Variants in NSRP1 observed in about 807,000 individuals in gnomAD.
NSRP1 encodes coiled-coil domain containing 55.
In NSRP1, 24 loss-of-function variants were observed where a neutral mutation model predicts 54.7. The observed-to-expected ratio is 0.44, with a 90% CI of 0.32 to 0.62. The LOEUF is 0.62. NSRP1 is among the 20% of genes least tolerant of loss of function. The pLI is 0.06. For missense variants in NSRP1, 596 were observed against 651.2 expected, an observed-to-expected ratio of 0.92 and a Z score of 0.92; for synonymous variants, 210 against 213.8, an observed-to-expected ratio of 0.98 and a Z score of 0.15.
intron 2 of NSRP1, among the ~76,000 whole-genome samples, chr17:30,158,153 T>A (rs1336968934): frequency 1.3e-5 from 2 of 152,214 alleles, no homozygotes; most frequent in African/African-American, 4.8e-5. Context: ...GTCTTTTTAA[T>A]AATAGAGGTT....
At chr17:30,163,782 A>G (rs1185618014) in intron 2 of NSRP1, among the ~76,000 whole-genome samples, 1 of 150,834 alleles carries the variant, frequency 6.6e-6, no homozygotes, top group Non-Finnish European at 1.5e-5. Flanking sequence ...CCTGGGTGCA[A>G]GCAATTCTCT....
At chr17:30,177,243 C>T (rs1332755254) in intron 3 of NSRP1, among the ~76,000 whole-genome samples, 3 of 152,000 alleles carry the variant, frequency 2.0e-5, no homozygotes, top group East Asian at 1.9e-4. Context: ...TGGTGGCACA[C>T]GCCTGTAGTC....
chr17:30,130,554 TG>T (rs551612767), intron 2 of NSRP1, among the ~76,000 whole-genome samples: 35 of 152,352 alleles, frequency 2.3e-4, no homozygotes, highest in African/African-American at 7.5e-4. Context: ...TCTACTTGAT[TG>T]GGTGTAATAT....
chr17:30,176,308 T>C (rs1435340385), intron 3 of NSRP1, among the ~76,000 whole-genome samples: 1 of 152,070 alleles, frequency 6.6e-6, no homozygotes, highest in Non-Finnish European at 1.5e-5. Context: ...CAAAGGCATG[T>C]CATCAGTTTA....
rs1904364002 is a variant in NSRP1 at position 30,157,856 on chromosome 17, A to G, written c.115-14686A>G. Reference sequence around the variant, plus strand: ...AATGACATTATTTCATTATGGCCAAATAGTATTCTATTGTTTAACACACTT... The same window carrying G: ...AATGACATTATTTCATTATGGCCAAGTAGTATTCTATTGTTTAACACACTT... On this transcript the variant is annotated intron_variant, in intron 2 of 6. Transcript: ENST00000247026. Among the ~76,000 whole-genome samples, 5 of 152,170 alleles carry G rather than the reference A, an allele frequency of 3.3e-5. No individual in the cohort carries two copies. In the South Asian group the frequency reaches 1.0e-3, roughly 31 times the overall value.
chr17:30,134,303 A>T (rs979367473), intron 2 of NSRP1, among the ~76,000 whole-genome samples: 2 of 152,246 alleles, frequency 1.3e-5, no homozygotes. Context: ...TGTAACATGT[A>T]ATAATGAAAA....
intron 3 of NSRP1, among the ~76,000 whole-genome samples, chr17:30,176,666 TGTA>T (rs1248535825): frequency 6.8e-6 from 1 of 146,160 alleles, no homozygotes; most frequent in African/African-American, 2.5e-5. Context: ...TTTTTGTTAT[TGTA>T]GTGGTGATTA....
chr17:30,133,595 C>T (rs1362362007), intron 2 of NSRP1, among the ~76,000 whole-genome samples: 1 of 152,118 alleles, frequency 6.6e-6, no homozygotes, highest in African/African-American at 2.4e-5. Flanking sequence ...TGAGAGTCAG[C>T]CTTTGAAGCT....
At chr17:30,131,604 T>A (rs865874380) in intron 2 of NSRP1, among the ~76,000 whole-genome samples, 1 of 152,220 alleles carries the variant, frequency 6.6e-6, no homozygotes, top group Non-Finnish European at 1.5e-5. Context: ...ATGCTAATGA[T>A]CATGTGAGCC....
At chr17:30,162,486 CTT>C (rs1443195912) in intron 2 of NSRP1, among the ~76,000 whole-genome samples, 4 of 152,144 alleles carry the variant, frequency 2.6e-5, no homozygotes, top group Admixed American at 2.0e-4. Flanking sequence ...AGTTGTAAGA[CTT>C]TTAATAAATG....
At chr17:30,161,404 TA>T (rs748141288) in intron 2 of NSRP1, among the ~76,000 whole-genome samples, 41 of 152,208 alleles carry the variant, frequency 2.7e-4, no homozygotes, top group Non-Finnish European at 4.4e-4. Flanking sequence ...TTAGCACTAT[TA>T]TATATACTGT....
intron 6 of NSRP1, 66 bp from the exon 7 acceptor site, chr17:30,184,549 T>TAAG (rs1905433598): frequency 6.7e-7 from 1 of 1,497,080 alleles, no homozygotes; most frequent in African/African-American, 1.4e-5. Context: ...TATGAACCCT[T>TAAG]CATTTGCTTA....
chr17:30,117,230 GCTTC>G (rs1208764873), intron 1 of NSRP1: 1 of 621,318 alleles, frequency 1.6e-6, no homozygotes, highest in African/African-American at 1.9e-5. Flanking sequence ...ACAGTTCCTG[GCTTC>G]CTTAGAGGGC....
rs1482364859 is a variant in NSRP1, at chr17:30,171,980, T to A, written c.115-562T>A. Reference sequence around the variant, plus strand: ...CACACACACACACACACACTCCCTCTCTCTCTCTCTCTCTCTCTCTCTCTC... The same window carrying A: ...CACACACACACACACACACTCCCTCACTCTCTCTCTCTCTCTCTCTCTCTC... On this transcript the variant is annotated intron_variant, in intron 2 of 6. Coordinates refer to ENST00000247026, the MANE Select transcript of NSRP1 (RefSeq NM_032141.4). 1.9e-3 allele frequency among the ~76,000 whole-genome samples: 181 copies of A among 93,806 alleles called. 2 individuals carry two copies. Among genetic ancestry groups the A allele is most frequent in the African/African-American group, 5.7e-3 (175 of 30,924 alleles). 61.5% of individuals were successfully genotyped at this position (93,806 alleles called of 152,430 possible). A position where few individuals can be genotyped will look rare whatever the true frequency, so the allele number is the denominator to read the frequency against.
At chr17:30,183,052 G>A (rs1013149496) in intron 6 of NSRP1, among the ~76,000 whole-genome samples, 10 of 151,958 alleles carry the variant, frequency 6.6e-5, no homozygotes, top group Non-Finnish European at 1.0e-4. Flanking sequence ...GCCATACTGG[G>A]GACAGCTCAC....
intron 2 of NSRP1, among the ~76,000 whole-genome samples, chr17:30,161,216 A>G (rs972705640): frequency 2.0e-5 from 3 of 152,322 alleles, no homozygotes; most frequent in Non-Finnish European, 2.9e-5. Context: ...TTATGTGTAC[A>G]TAGGCTTTCA....
At chr17:30,181,217 TA>T (rs1314546183) in intron 6 of NSRP1, among the ~76,000 whole-genome samples, 1 of 152,226 alleles carries the variant, frequency 6.6e-6, no homozygotes. Context: ...AGATCATTTT[TA>T]TTCTGCATTT....
At position 30,178,110 on chromosome 17, in the gene NSRP1, A is replaced by G. The variant is rs758277396; in HGVS notation, c.211A>G (p.Thr71Ala). The G allele has an allele frequency of 2.5e-6, 4 of 1,612,462 alleles. No individual in the cohort carries two copies. Among genetic ancestry groups the G allele is most frequent in the East Asian group, 2.2e-5 (1 of 44,794 alleles). ...CCAGAAGGCCCTTGCAGAAGATGCT[A>G]CTGTGTATGAATATGACAGTATTTA... Reference protein sequence around the residue: ...EIQKALAEDATVYEYDSIYDE... With the variant: ...EIQKALAEDAAVYEYDSIYDE... The change falls in exon 4 of 7, where the codon ACT becomes GCT. Residue 71 changes from threonine to alanine, a missense_variant. Coordinates refer to ENST00000247026, the MANE Select transcript of NSRP1 (RefSeq NM_032141.4).
chr17:30,162,549 G>A (rs1003585993), intron 2 of NSRP1, among the ~76,000 whole-genome samples: 16 of 152,182 alleles, frequency 1.1e-4, no homozygotes, highest in African/African-American at 1.7e-4. Flanking sequence ...TTCTCAGCAC[G>A]ACAGAAAATT....
Sources: allele counts gnomAD v4.1 joint callset (sites outside exome capture counted in the v4.1 genomes callset), GRCh38; gene constraint gnomAD v4.1.1; transcripts MANE v1.5; gene names NCBI Gene and HGNC (gene_info 2026-07-23, HGNC 2026-07-21).